Variants in CNOT3 observed in about 807,000 individuals in gnomAD.
The protein encoded by CNOT3 is CCR4-NOT transcription complex subunit 3, also known as CCR4-associated factor 3.
Under a neutral mutation model 89.4 loss-of-function variants are expected in CNOT3, and 2 were observed. The observed-to-expected ratio is 0.02, with a 90% CI of 0.01 to 0.07. The LOEUF (loss-of-function observed/expected upper bound fraction) is 0.07, where lower values mean the gene tolerates loss of function less well. CNOT3 is among the 10% of genes least tolerant of loss of function. The pLI is 1.00. For synonymous variants in CNOT3, 486 were observed against 402.0 expected, an observed-to-expected ratio of 1.21 and a Z score of -2.50; for missense variants, 664 against 1,010.2, an observed-to-expected ratio of 0.66 and a Z score of 4.65.
Position 54,152,991 on chromosome 19 carries a change from T to C in CNOT3, c.2029T>C (p.Tyr677His). 2 of 1,604,440 alleles carry C rather than the reference T, an allele frequency of 1.2e-6. No homozygotes were observed. Residue 677 changes from tyrosine to histidine, a missense_variant, in exon 16 of 18, where the codon TAT becomes CAT. Coordinates refer to ENST00000221232, the MANE Select transcript of CNOT3 (RefSeq NM_014516.4). ...STETLFFIFY[Y>H]LEGTKAQYLA... ...CGAGACACTCTTCTTCATCTTCTAC[T>C]ATCTGGAGGTACAGCAGGGCCCCCG...
At chr19:54,154,772 T>C (rs1427501005) in intron 17 of CNOT3, 1 of 153,594 alleles carries the variant, frequency 6.5e-6, no homozygotes, top group Non-Finnish European at 1.4e-5. Flanking sequence ...TTCCTGTCCT[T>C]TCCTGGTTTG....
chr19:54,153,894 G>A, intron 17 of CNOT3, 54 bp downstream of exon 17: 1 of 1,612,768 alleles, frequency 6.2e-7, no homozygotes, highest in Non-Finnish European at 8.5e-7. Context: ...AGAGTCCCCA[G>A]GCTCCAGGCA....
In CNOT3 at chr19:54,145,574, G is replaced by A; in HGVS notation, c.484-24G>A. ...CAAGCAGGTGCTCTGCAGCCCCTGA[G>A]CCTGGCCCTGGGCTCGCCAGCAGAA... On this transcript the variant is annotated intron_variant, in intron 7 of 17. Coordinates refer to ENST00000221232, the MANE Select transcript of CNOT3 (RefSeq NM_014516.4). This position sits in a 1 kb window ranked among gnomAD's most constrained non-coding sequence, Gnocchi z 5.9. The A allele has an allele frequency of 6.3e-7, 1 of 1,585,246 alleles. No individual in the cohort carries two copies. Among genetic ancestry groups the A allele is most frequent in the Non-Finnish European group, 8.7e-7 (1 of 1,155,230 alleles).
intron 17 of CNOT3, chr19:54,154,981 T>C (rs1194391027): frequency 1.0e-5 from 4 of 389,078 alleles, no homozygotes; most frequent in Non-Finnish European, 1.9e-5. Context: ...CTGTGCATCC[T>C]GTACTCACGT....
Position 54,143,135 on chromosome 19 carries a change from C to T in CNOT3, c.42C>T (p.Cys14=), listed in dbSNP as rs950143405. The change falls in exon 3 of 18, where the codon TGC becomes TGT. Residue 14 remains cysteine, a synonymous_variant. Transcript: ENST00000221232. ...KRKLQGEIDR[C]LKKVSEGVEQ... ...CCTGGCCAGGTGAGATTGATCGCTG[C>T]CTCAAGAAGGTGTCCGAGGGCGTGG... is the stretch of plus-strand genomic sequence containing the variant. 13 of 1,613,870 alleles carry T rather than the reference C, an allele frequency of 8.1e-6. No homozygotes were observed. The highest frequency in any genetic ancestry group is 9.3e-6 in the Non-Finnish European group (11 of 1,179,998).
chr19:54,148,309 C>T lies in CNOT3; in HGVS notation c.1056C>T (p.Ala352=). ...GVPAPAAPPS[A]LGPKASPAPS... is the part of the protein sequence containing the mutation. Reference sequence around the variant, plus strand: ...CCGCCCCCGCAGCACCCCCAAGTGCCCTGGGCCCCAAGGCCAGTCCAGCTC... The same window carrying T: ...CCGCCCCCGCAGCACCCCCAAGTGCTCTGGGCCCCAAGGCCAGTCCAGCTC... Residue 352 remains alanine (A), a synonymous_variant, in exon 11 of 18, where the codon GCC becomes GCT. Transcript: ENST00000221232. The surrounding 1 kb of genome is among the most constrained non-coding windows in gnomAD (Gnocchi z 6.3). 1 of 1,607,440 alleles carries T rather than the reference C, an allele frequency of 6.2e-7. No homozygotes were observed. The highest frequency in any genetic ancestry group is 2.2e-5 in the East Asian group (1 of 44,682).
At chr19:54,142,105 G>A (rs36634) in intron 1 of CNOT3, 87,420 of 151,848 alleles carry the variant, frequency 0.58, 25,338 homozygotes, top group East Asian at 0.77. Context: ...GGATTCCTCC[G>A]TGAGTGCAGA....
rs368877712 is a variant in CNOT3 at position 54,148,142 on chromosome 19, C to A, written c.895-6C>A. 6.7e-7 allele frequency: 1 copy of A among 1,491,502 alleles called. No individual in the cohort carries two copies. The highest frequency in any genetic ancestry group is 1.4e-5 in the South Asian group (1 of 73,042). 92.4% of individuals were successfully genotyped at this position (1,491,502 alleles called of 1,614,324 possible). ...GTCCTGACCCTCTGCTCTCTCCCACCCGCAGTCTCCAGCCAAAAACGGCTC... is the reference window on the plus strand; with the variant it reads ...GTCCTGACCCTCTGCTCTCTCCCACACGCAGTCTCCAGCCAAAAACGGCTC... On this transcript the variant is annotated splice_polypyrimidine_tract_variant and splice_region_variant and intron_variant, in intron 10 of 17. Transcript: ENST00000221232. This position sits in a 1 kb window ranked among gnomAD's most constrained non-coding sequence, Gnocchi z 6.3.
chr19:54,152,422 CCA>C lies in CNOT3; in HGVS notation c.1706-3_1706-2del. 2 of 1,614,080 alleles carry C rather than the reference CCA, an allele frequency of 1.2e-6. No individual in the cohort carries two copies. Among genetic ancestry groups the C allele is most frequent in the Non-Finnish European group, 1.7e-6 (2 of 1,179,934 alleles). On this transcript the variant is annotated splice_region_variant and splice_polypyrimidine_tract_variant and intron_variant, in intron 14 of 17. Coordinates refer to ENST00000221232, the MANE Select transcript of CNOT3 (RefSeq NM_014516.4). ...TGAGGGGGCCGGACCCCCACCCTCC[CCA>C]CAGACATCATCCTGAGCAGTACATC...
At chr19:54,149,974 C>G (rs2074976336) in intron 13 of CNOT3, among the ~76,000 whole-genome samples, 1 of 152,160 alleles carries the variant, frequency 6.6e-6, no homozygotes, top group African/African-American at 2.4e-5. Context: ...CTTGTTCCCT[C>G]CAAAGCTCTG....
intron 17 of CNOT3, chr19:54,154,574 G>GTT (rs1316158467): frequency 6.4e-6 from 1 of 155,984 alleles, no homozygotes; most frequent in African/African-American, 2.4e-5. Flanking sequence ...CTACAGTGAT[G>GTT]TTTTTTTCCA....
intron 10 of CNOT3, among the ~76,000 whole-genome samples, chr19:54,147,668 G>A (rs2074758076): frequency 6.6e-6 from 1 of 152,200 alleles, no homozygotes; most frequent in African/African-American, 2.4e-5. Flanking sequence ...ACTTTCTGGA[G>A]TGCTGGTAAC....
chr19:54,149,226 C>G (rs1045583225), intron 12 of CNOT3, among the ~76,000 whole-genome samples: 4 of 152,196 alleles, frequency 2.6e-5, no homozygotes, highest in Non-Finnish European at 4.4e-5. Context: ...GCCCCCTCAC[C>G]CCAGCTCCAG....
At chr19:54,140,559 C>T (rs997820132) in intron 1 of CNOT3, among the ~76,000 whole-genome samples, 1 of 152,232 alleles carries the variant, frequency 6.6e-6, no homozygotes, top group East Asian at 1.9e-4. Context: ...GGTACAGATA[C>T]CCTCATGATA....
intron 15 of CNOT3, 114 bp from the exon 16 acceptor site, chr19:54,152,753 C>T: frequency 6.5e-6 from 6 of 923,922 alleles, no homozygotes. Flanking sequence ...AAGGTCAGCA[C>T]CGCCCTGGGT....
chr19:54,149,616 G>A lies in CNOT3; in HGVS notation c.1463G>A (p.Gly488Glu). The change falls in exon 13 of 18, where the codon GGG becomes GAG. Residue 488 changes from glycine to glutamate, a missense_variant. Coordinates refer to ENST00000221232, the MANE Select transcript of CNOT3 (RefSeq NM_014516.4). ...TGAGGVAPGS[G>E]NNSGGPSLLV... Reference sequence around the variant, plus strand: ...GCTGGGGGCGTGGCCCCAGGCTCAGGGAACAACTCAGGGGGACCCAGCCTC... The same window carrying A: ...GCTGGGGGCGTGGCCCCAGGCTCAGAGAACAACTCAGGGGGACCCAGCCTC... 3 of 1,613,180 alleles carry A rather than the reference G, an allele frequency of 1.9e-6. No individual in the cohort carries two copies. Among genetic ancestry groups the A allele is most frequent in the Non-Finnish European group, 2.5e-6 (3 of 1,179,526 alleles).
Position 54,152,414 on chromosome 19 carries a change from C to T in CNOT3, c.1706-14C>T. On this transcript the variant is annotated splice_polypyrimidine_tract_variant and intron_variant, in intron 14 of 17. Transcript: ENST00000221232. The stretch of plus-strand genomic sequence containing the variant: ...CTCACCACTGAGGGGGCCGGACCCC[C>T]ACCCTCCCCACAGACATCATCCTGA... The T allele has an allele frequency of 6.2e-7, 1 of 1,613,934 alleles. No homozygotes were observed. The highest frequency in any genetic ancestry group is 2.2e-5 in the East Asian group (1 of 44,876).
intron 17 of CNOT3, 154 bp from the exon 18 acceptor site, chr19:54,155,155 T>A (rs1163086966): frequency 2.6e-6 from 2 of 765,366 alleles, no homozygotes; most frequent in African/African-American, 3.6e-5. Flanking sequence ...AAGAAGAACC[T>A]TGTGAGGATG....
At chr19:54,151,564 G>T (rs2075110675) in intron 13 of CNOT3, among the ~76,000 whole-genome samples, 1 of 152,228 alleles carries the variant, frequency 6.6e-6, no homozygotes, top group Non-Finnish European at 1.5e-5. Flanking sequence ...ACTCGTTGTG[G>T]AGAGTCCAGC....
Sources: gnomAD v4.1 joint callset for allele counts (sites outside exome capture counted in the v4.1 genomes callset) on GRCh38, gnomAD v4.1.1 for gene constraint, Gnocchi (gnomAD v3.1) non-coding constraint, MANE v1.5 for transcripts, NCBI Gene and HGNC (gene_info 2026-07-23, HGNC 2026-07-21) for gene names.